The following ELAVL2 variants were observed in gnomAD, a reference collection of about 807,000 sequenced individuals.
ELAVL2 encodes ELAV like RNA binding protein 2, also known as ELAV-like protein 2.
Under a neutral mutation model 34.6 loss-of-function variants are expected in ELAVL2, and 4 were observed. That is an observed-to-expected ratio of 0.12 (90% CI 0.06 to 0.26). The LOEUF (loss-of-function observed/expected upper bound fraction) is 0.26, where lower values mean the gene tolerates loss of function less well. ELAVL2 is among the 10% of genes least tolerant of loss of function. ELAVL2 has a pLI of 1.00. For synonymous variants in ELAVL2, 193 were observed against 154.8 expected (o/e 1.25, Z -1.83); for missense variants, 432 against 442.8 (o/e 0.98, Z 0.22).
At chr9:23,724,446 TTCAAGC>T (rs770401687) in intron 3 of ELAVL2, among the ~76,000 whole-genome samples, 58 of 152,320 alleles carry the variant, frequency 3.8e-4, no homozygotes, top group Non-Finnish European at 7.2e-4. Context: ...GGACAGGACA[TTCAAGC>T]TCTGGACCTT....
At chr9:23,813,738 AC>A (rs1160171055) in intron 1 of ELAVL2, among the ~76,000 whole-genome samples, 2 of 152,196 alleles carry the variant, frequency 1.3e-5, no homozygotes, top group Admixed American at 6.5e-5. Flanking sequence ...GGAAGGAGAG[AC>A]CCAAGACAAA....
At chr9:23,814,012 ATTG>A (rs570148050) in intron 1 of ELAVL2, among the ~76,000 whole-genome samples, 1 of 152,156 alleles carries the variant, frequency 6.6e-6, no homozygotes, top group African/African-American at 2.4e-5. Context: ...TGTGGACTCC[ATTG>A]TTGTTGCTCC....
chr9:23,808,816 C>T (rs576546847), intron 1 of ELAVL2, among the ~76,000 whole-genome samples: 2 of 152,132 alleles, frequency 1.3e-5, no homozygotes, highest in East Asian at 1.9e-4. Flanking sequence ...GGGTAAAGTT[C>T]CAGAAAATTC....
In ELAVL2 at chr9:23,706,275, G is replaced by A. The variant is rs993471612; in HGVS notation, c.334-1204C>T. 4.5e-4 allele frequency among the ~76,000 whole-genome samples: 69 copies of A among 152,206 alleles called. 2 individuals are homozygous for A. Among genetic ancestry groups the A allele is most frequent in the Admixed American group, 4.6e-4 (7 of 15,278 alleles). On this transcript the variant is annotated intron_variant, in intron 3 of 6. Transcript: ENST00000397312. ...TTTGTTTATAATCATCATTCCTCAT[G>A]TAAACTCTGTGAGGGAAGAAACCAC...
chr9:23,729,378 G>C (rs1330152535), intron 3 of ELAVL2, among the ~76,000 whole-genome samples: 1 of 152,130 alleles, frequency 6.6e-6, no homozygotes, highest in Admixed American at 6.6e-5. Flanking sequence ...AAAATCTGCT[G>C]TAGGATAAAG....
chr9:23,698,395 C>T lies in ELAVL2; in HGVS notation c.713+2984G>A, dbSNP rs74642764. ...CATAGATTGACTAAGCCATAAACCT[C>T]ACAAACCCACCTTTAAACTTAACCC... On this transcript the variant is annotated intron_variant, in intron 5 of 6. Coordinates refer to ENST00000397312, the MANE Select transcript of ELAVL2 (RefSeq NM_004432.5). Among the ~76,000 whole-genome samples the T allele has an allele frequency of 9.1e-3, 1,385 of 152,304 alleles. 28 individuals carry two copies. Among genetic ancestry groups the T allele is most frequent in the African/African-American group, 0.032 (1,328 of 41,568 alleles).
chr9:23,798,368 CTG>C (rs1014492191), intron 1 of ELAVL2, among the ~76,000 whole-genome samples: 4 of 152,122 alleles, frequency 2.6e-5, no homozygotes, highest in African/African-American at 9.7e-5. Flanking sequence ...AATTCCAGCT[CTG>C]TCATTTACTG....
At chr9:23,718,511 CA>C (rs1350184773) in intron 3 of ELAVL2, among the ~76,000 whole-genome samples, 1 of 152,118 alleles carries the variant, frequency 6.6e-6, no homozygotes, top group Non-Finnish European at 1.5e-5. Context: ...GCAGTAACAG[CA>C]AACACTGCAG....
chr9:23,813,409 C>T (rs966001546), intron 1 of ELAVL2, among the ~76,000 whole-genome samples: 2 of 144,748 alleles, frequency 1.4e-5, no homozygotes, highest in South Asian at 4.3e-4. Flanking sequence ...AGTCTCATAT[C>T]GGCTTTTTTT....
chr9:23,799,477 C>T (rs1354543307), intron 1 of ELAVL2, among the ~76,000 whole-genome samples: 3 of 152,226 alleles, frequency 2.0e-5, no homozygotes, highest in African/African-American at 7.2e-5. Flanking sequence ...TTACTCCACC[C>T]CACCACGTGA....
At chr9:23,718,712 A>G (rs554509591) in intron 3 of ELAVL2, among the ~76,000 whole-genome samples, 1 of 152,362 alleles carries the variant, frequency 6.6e-6, no homozygotes, top group African/African-American at 2.4e-5. Flanking sequence ...TATTCAATAC[A>G]TAAGGGGATA....
the ELAVL2 span, among the ~76,000 whole-genome samples, chr9:23,848,130 AG>A: frequency 1.3e-5 from 2 of 152,050 alleles, no homozygotes; most frequent in Non-Finnish European, 2.9e-5. Flanking sequence ...TATAGTTCAA[AG>A]TGTTTATTTT....
chr9:23,720,741 C>A (rs1480533973), intron 3 of ELAVL2, among the ~76,000 whole-genome samples: 1 of 152,122 alleles, frequency 6.6e-6, no homozygotes, highest in Non-Finnish European at 1.5e-5. Flanking sequence ...TACAAGTAGA[C>A]TTGTTTTAAA....
chr9:23,770,332 G>T (rs754421354), intron 1 of ELAVL2, among the ~76,000 whole-genome samples: 13 of 152,142 alleles, frequency 8.5e-5, no homozygotes, highest in Non-Finnish European at 1.6e-4. Flanking sequence ...AGGTTTGAAG[G>T]AGATATGGGC....
intron 1 of ELAVL2, among the ~76,000 whole-genome samples, chr9:23,811,045 G>C (rs2062909229): frequency 6.6e-6 from 1 of 152,120 alleles, no homozygotes; most frequent in Non-Finnish European, 1.5e-5. Context: ...GAGTCATTTG[G>C]AAGTTACCAT....
At chr9:23,726,904 T>C (rs1225174285) in intron 3 of ELAVL2, among the ~76,000 whole-genome samples, 1 of 152,190 alleles carries the variant, frequency 6.6e-6, no homozygotes, top group East Asian at 1.9e-4. Flanking sequence ...ACTCACTTCA[T>C]GAATAACTCA....
At chr9:23,720,725 A>AT (rs141890451) in intron 3 of ELAVL2, among the ~76,000 whole-genome samples, 10,187 of 152,028 alleles carry the variant, frequency 0.067, 456 homozygotes, top group Non-Finnish European at 0.091. Context: ...TGAAAATCCT[A>AT]TTTTTTACAA....
intron 1 of ELAVL2, among the ~76,000 whole-genome samples, chr9:23,823,449 T>G (rs2138655213): frequency 6.6e-6 from 1 of 152,218 alleles, no homozygotes; most frequent in East Asian, 1.9e-4. Context: ...AACCGTAGCG[T>G]TTTTTGTGAA....
intron 1 of ELAVL2, among the ~76,000 whole-genome samples, chr9:23,775,637 C>G (rs2058066888): frequency 6.6e-6 from 1 of 152,154 alleles, no homozygotes; most frequent in African/African-American, 2.4e-5. Context: ...TCTGCTCACT[C>G]CACGTTGCCT....
Sources: allele counts gnomAD v4.1 joint callset (sites outside exome capture counted in the v4.1 genomes callset), GRCh38; gene constraint gnomAD v4.1.1; transcripts MANE v1.5; gene names NCBI Gene and HGNC (gene_info 2026-07-23, HGNC 2026-07-21).